BMPER: variants seen among roughly 807,000 people sequenced by gnomAD.
BMPER encodes the protein BMP binding endothelial regulator.
In BMPER, 45 loss-of-function variants were observed where a neutral mutation model predicts 87.3. That is an observed-to-expected ratio of 0.52 (90% CI 0.41 to 0.66). The LOEUF is 0.66. Among genes scored for constraint, BMPER ranks in the 30% least tolerant of loss-of-function variants. The probability of loss-of-function intolerance (pLI) is 0.00; values close to 1 mark genes in which losing one functional copy is unlikely to be tolerated. For synonymous variants in BMPER, 326 were observed against 316.2 expected, an observed-to-expected ratio of 1.03 and a Z score of -0.33; for missense variants, 784 against 867.5, an observed-to-expected ratio of 0.90 and a Z score of 1.21.
intron 13 of BMPER, among the ~76,000 whole-genome samples, chr7:34,106,247 A>G (rs1789815161): frequency 6.6e-6 from 1 of 152,230 alleles, no homozygotes; most frequent in Non-Finnish European, 1.5e-5. Flanking sequence ...AGGCATAATT[A>G]GGCATGATTG....
chr7:34,055,328 G>A (rs1413282546), intron 9 of BMPER, 25 bp downstream of exon 9: 3 of 1,613,266 alleles, frequency 1.9e-6, no homozygotes, highest in Non-Finnish European at 2.5e-6. Context: ...AAGCACATGG[G>A]AACTCCTGTA....
chr7:33,939,045 A>G (rs891049637), intron 3 of BMPER, among the ~76,000 whole-genome samples: 1 of 152,118 alleles, frequency 6.6e-6, no homozygotes, highest in Non-Finnish European at 1.5e-5. Context: ...ACAAAAAAAA[A>G]GACAAAAAAC....
chr7:33,997,885 A>C (rs1786461437), intron 6 of BMPER, among the ~76,000 whole-genome samples: 1 of 152,136 alleles, frequency 6.6e-6, no homozygotes, highest in Non-Finnish European at 1.5e-5. Flanking sequence ...TTCCTATTAA[A>C]ATGGTAACCC....
At chr7:33,915,368 A>C (rs1444046274) in intron 2 of BMPER, among the ~76,000 whole-genome samples, 1 of 152,244 alleles carries the variant, frequency 6.6e-6, no homozygotes, top group Admixed American at 6.5e-5. Flanking sequence ...TTAAACTGTT[A>C]ATGATGCTTT....
chr7:34,091,969 C>G (rs1271652801), intron 13 of BMPER, among the ~76,000 whole-genome samples: 1 of 152,142 alleles, frequency 6.6e-6, no homozygotes, highest in Non-Finnish European at 1.5e-5. Flanking sequence ...GGAGCCTCTT[C>G]TTTTTTGACC....
chr7:34,156,095 A>C lies in BMPER; in HGVS notation c.*2822A>C, dbSNP rs1260573040. Among the ~76,000 whole-genome samples the C allele has an allele frequency of 5.3e-5, 8 of 152,034 alleles. No homozygotes were observed. Among genetic ancestry groups the C allele is most frequent in the Non-Finnish European group, 1.5e-5 (1 of 68,014 alleles). ...AACTGTGGTACACTAAGAATCACTA[A>C]CTCTTCAGGTTGAAGGCCTCACTCA... On this transcript the variant is annotated 3_prime_UTR_variant, in exon 15 of 15. Coordinates refer to ENST00000649409, the MANE Select transcript of BMPER (RefSeq NM_001365308.1).
chr7:34,096,207 G>T (rs997302306), intron 13 of BMPER, among the ~76,000 whole-genome samples: 10 of 152,176 alleles, frequency 6.6e-5, no homozygotes. Flanking sequence ...TGTGTGGGCT[G>T]GTTTCCATCA....
At chr7:34,056,572 A>G (rs1414273303) in intron 9 of BMPER, among the ~76,000 whole-genome samples, 1 of 151,598 alleles carries the variant, frequency 6.6e-6, no homozygotes, top group Non-Finnish European at 1.5e-5. Context: ...ACCCAGATGA[A>G]ATAGCCTCAC....
chr7:33,957,743 G>A (rs1785182715), intron 3 of BMPER, among the ~76,000 whole-genome samples: 1 of 152,110 alleles, frequency 6.6e-6, no homozygotes, highest in African/African-American at 2.4e-5. Context: ...CTGTATATTT[G>A]TTTGCACCTT....
At chr7:33,914,102 A>G (rs2128602492) in intron 2 of BMPER, among the ~76,000 whole-genome samples, 1 of 151,490 alleles carries the variant, frequency 6.6e-6, no homozygotes, top group Non-Finnish European at 1.5e-5. Context: ...AGCTGGGACT[A>G]CAGGCGCCCG....
At chr7:34,121,525 C>G (rs550811602) in intron 13 of BMPER, among the ~76,000 whole-genome samples, 1 of 152,270 alleles carries the variant, frequency 6.6e-6, no homozygotes, top group East Asian at 1.9e-4. Flanking sequence ...ATTCTGTTTG[C>G]ATTCTTACTC....
intron 2 of BMPER, among the ~76,000 whole-genome samples, chr7:33,917,628 C>A (rs1784117798): frequency 1.3e-5 from 2 of 152,088 alleles, no homozygotes; most frequent in South Asian, 4.1e-4. Context: ...CGAGGATATG[C>A]AGATAAATGA....
chr7:34,113,023 A>T (rs140873420), intron 13 of BMPER, among the ~76,000 whole-genome samples: 1 of 151,462 alleles, frequency 6.6e-6, no homozygotes, highest in African/African-American at 2.4e-5. Flanking sequence ...GACTATATAT[A>T]TAAAAAATAC....
intron 3 of BMPER, among the ~76,000 whole-genome samples, chr7:33,942,862 A>G (rs1017136323): frequency 1.3e-5 from 2 of 152,214 alleles, no homozygotes; most frequent in African/African-American, 4.8e-5. Flanking sequence ...ATGACCAAGG[A>G]AACATCACTC....
At chr7:34,129,630 G>GAGAAGGAAAGAAAGAAAAGAAAGAA (rs1790515320) in intron 13 of BMPER, among the ~76,000 whole-genome samples, 1 of 56,272 alleles carries the variant, frequency 1.8e-5, no homozygotes, top group Non-Finnish European at 3.5e-5. Context: ...GAGAGAAAGA[G>GAGAAGGAAAGAAAGAAAAGAAAGAA]AGAAAGAAAG....
intron 13 of BMPER, among the ~76,000 whole-genome samples, chr7:34,110,454 G>A (rs1334773559): frequency 6.6e-6 from 1 of 152,122 alleles, no homozygotes; most frequent in Non-Finnish European, 1.5e-5. Context: ...GCCAGATTGC[G>A]AAGCCTCCAG....
At chr7:33,988,788 C>T (rs1334173971) in intron 6 of BMPER, among the ~76,000 whole-genome samples, 1 of 120,752 alleles carries the variant, frequency 8.3e-6, no homozygotes, top group South Asian at 3.3e-4. Context: ...ACAACAGTCC[C>T]CAGAGTGTGA....
intron 10 of BMPER, 90 bp downstream of exon 10, chr7:34,058,253 C>T (rs1300358370): frequency 8.3e-7 from 1 of 1,199,908 alleles, no homozygotes; most frequent in Non-Finnish European, 1.2e-6. Flanking sequence ...CGAACACAGA[C>T]TCCAGCTCCC....
intron 2 of BMPER, among the ~76,000 whole-genome samples, chr7:33,934,390 T>C (rs946481810): frequency 6.6e-6 from 1 of 152,012 alleles, no homozygotes; most frequent in Admixed American, 6.6e-5. Flanking sequence ...ACCAGGGCAA[T>C]GATCAGATAT....
Sources: allele counts gnomAD v4.1 joint callset (sites outside exome capture counted in the v4.1 genomes callset), GRCh38; gene constraint gnomAD v4.1.1; transcripts MANE v1.5; gene names NCBI Gene and HGNC (gene_info 2026-07-23, HGNC 2026-07-21).